RBFOX1: variants seen among roughly 807,000 people sequenced by gnomAD.
RBFOX1 encodes RNA binding protein fox-1 homolog 1.
Under a neutral mutation model 57.7 loss-of-function variants are expected in RBFOX1, and 8 were observed. The observed-to-expected ratio is 0.14, with a 90% confidence interval of 0.08 to 0.25. The LOEUF (loss-of-function observed/expected upper bound fraction) is 0.25. RBFOX1 is among the 10% of genes least tolerant of loss of function. The pLI, the probability that RBFOX1 is intolerant of heterozygous loss-of-function variation, is 1.00. For missense variants in RBFOX1, 611 were observed against 548.5 expected, an observed-to-expected ratio of 1.11 and a Z score of -1.14; for synonymous variants, 326 against 222.4, an observed-to-expected ratio of 1.47 and a Z score of -4.15.
At chr16:7,055,545 G>A (rs1345525163) in intron 4 of RBFOX1, among the ~76,000 whole-genome samples, 1 of 152,136 alleles carries the variant, frequency 6.6e-6, no homozygotes, top group Non-Finnish European at 1.5e-5. Flanking sequence ...AAGGAGAAGA[G>A]GAGTTTCTCC....
intron 2 of RBFOX1, among the ~76,000 whole-genome samples, chr16:5,501,659 T>C (rs984498541): frequency 1.3e-5 from 2 of 152,186 alleles, no homozygotes; most frequent in East Asian, 1.9e-4. Context: ...TGCCGTCAAA[T>C]CTCCAAACAC....
intron 3 of RBFOX1, chr16:7,004,020 G>A (rs1169091385): frequency 4.1e-5 from 6 of 146,054 alleles, no homozygotes; most frequent in Non-Finnish European, 6.0e-5. Context: ...AAAAAGTAAC[G>A]CTTCACAAAT....
intron 5 of RBFOX1, among the ~76,000 whole-genome samples, chr16:7,569,199 A>G (rs138215490): frequency 2.6e-5 from 4 of 152,300 alleles, no homozygotes; most frequent in African/African-American, 9.6e-5. Flanking sequence ...TTGCTGTCAG[A>G]TGACCATACA....
intron 1 of RBFOX1, among the ~76,000 whole-genome samples, chr16:6,282,235 T>C (rs994988845): frequency 2.0e-5 from 3 of 152,242 alleles, no homozygotes; most frequent in South Asian, 4.2e-4. Context: ...GGACATGCTG[T>C]AATCTTAAAG....
intron 3 of RBFOX1, among the ~76,000 whole-genome samples, chr16:6,811,063 A>C (rs1241487077): frequency 1.3e-5 from 2 of 152,226 alleles, no homozygotes; most frequent in African/African-American, 4.8e-5. Flanking sequence ...CCCGAAAAAC[A>C]CACCTGGGTA....
rs573227493 is a variant in RBFOX1 at position 6,230,227 on chromosome 16, T to G, written c.-126-86768T>G. Among the ~76,000 whole-genome samples the G allele has an allele frequency of 1.9e-3, 287 of 152,320 alleles. 1 individual carries two copies. The highest frequency in any genetic ancestry group is 6.6e-3 in the African/African-American group (275 of 41,556). On this transcript the variant is annotated intron_variant, in intron 1 of 15. Transcript: ENST00000550418. ...TAGTGATTGGAATGAGTTGATCTTT[T>G]AATTTTTTTAAATAACAATAATCAC...
intron 4 of RBFOX1, among the ~76,000 whole-genome samples, chr16:7,411,993 T>C (rs957970517): frequency 6.6e-6 from 1 of 150,392 alleles, no homozygotes; most frequent in African/African-American, 2.4e-5. Flanking sequence ...CCAGATGCCA[T>C]GTGGTGTCTC....
chr16:5,479,228 G>A (rs758671784), intron 2 of RBFOX1, among the ~76,000 whole-genome samples: 2 of 152,000 alleles, frequency 1.3e-5, no homozygotes, highest in Non-Finnish European at 2.9e-5. Context: ...AAATCTTGGT[G>A]CTGTCATTTG....
intron 3 of RBFOX1, chr16:6,775,592 G>C (rs959482793): frequency 6.6e-6 from 1 of 152,174 alleles, no homozygotes; most frequent in African/African-American, 2.4e-5. Flanking sequence ...GGAGGGTTCT[G>C]ACAGTTATCT....
intron 5 of RBFOX1, among the ~76,000 whole-genome samples, chr16:7,576,307 C>T (rs1217419015): frequency 6.6e-6 from 1 of 152,090 alleles, no homozygotes; most frequent in African/African-American, 2.4e-5. Flanking sequence ...TAGCAAATAA[C>T]AGGGATGGTC....
At chr16:7,495,831 C>T (rs1166756619) in intron 4 of RBFOX1, among the ~76,000 whole-genome samples, 1 of 152,180 alleles carries the variant, frequency 6.6e-6, no homozygotes, top group African/African-American at 2.4e-5. Context: ...GCAAACATCA[C>T]CTGTTCCCCA....
chr16:6,046,301 A>C (rs1336144799), intron 1 of RBFOX1, among the ~76,000 whole-genome samples: 3 of 152,184 alleles, frequency 2.0e-5, no homozygotes, highest in Non-Finnish European at 4.4e-5. Flanking sequence ...TAGGGGGATG[A>C]GGAAAAGGGA....
Position 5,759,808 on chromosome 16 carries a change from C to T in RBFOX1, c.319-107495C>T, listed in dbSNP as rs151262160. ...CCTCTCTGGGATTTTTTTTTCTTGG[C>T]ATGGCAAGCACTTCTCCCTCACCAG... On this transcript the variant is annotated intron_variant, in intron 3 of 19. Transcript: ENST00000641259. Among the ~76,000 whole-genome samples, 468 of 151,710 alleles carry T rather than the reference C, an allele frequency of 3.1e-3. 3 individuals are homozygous for T. The highest frequency in any genetic ancestry group is 0.011 in the African/African-American group (449 of 41,352).
At chr16:5,703,330 C>T (rs375354683) in intron 3 of RBFOX1, among the ~76,000 whole-genome samples, 1 of 152,090 alleles carries the variant, frequency 6.6e-6, no homozygotes, top group Non-Finnish European at 1.5e-5. Flanking sequence ...TAAGAATTGG[C>T]CATGCAAAGA....
At chr16:6,108,907 G>C (rs989957931) in intron 1 of RBFOX1, among the ~76,000 whole-genome samples, 1 of 152,126 alleles carries the variant, frequency 6.6e-6, no homozygotes, top group Non-Finnish European at 1.5e-5. Context: ...GACCCACCTA[G>C]ATAATCCAGA....
intron 2 of RBFOX1, among the ~76,000 whole-genome samples, chr16:5,591,173 C>G (rs974924203): frequency 6.6e-5 from 10 of 151,994 alleles, no homozygotes; most frequent in Middle Eastern, 3.4e-3. Flanking sequence ...TAATACATGC[C>G]CAGTGTACAA....
chr16:7,554,950 A>G (rs1340147283), intron 5 of RBFOX1, among the ~76,000 whole-genome samples: 1 of 152,250 alleles, frequency 6.6e-6, no homozygotes, highest in African/African-American at 2.4e-5. Context: ...AAAGCCAAGT[A>G]GAACACTAAG....
At chr16:5,961,150 C>G (rs1198638318) in intron 4 of RBFOX1, among the ~76,000 whole-genome samples, 4 of 148,594 alleles carry the variant, frequency 2.7e-5, no homozygotes, top group African/African-American at 9.9e-5. Context: ...TTCATTTCCT[C>G]TCTCCAAGAA....
intron 1 of RBFOX1, among the ~76,000 whole-genome samples, chr16:5,356,899 G>A (rs1380666352): frequency 1.3e-5 from 2 of 152,166 alleles, no homozygotes; most frequent in South Asian, 4.1e-4. Context: ...GTCACTGGGT[G>A]CTTGCTTTGT....
Sources: allele counts gnomAD v4.1 joint callset (sites outside exome capture counted in the v4.1 genomes callset), GRCh38; gene constraint gnomAD v4.1.1; transcripts MANE v1.5; gene names NCBI Gene and HGNC (gene_info 2026-07-23, HGNC 2026-07-21).